Variants in LCORL observed in about 807,000 individuals in gnomAD.
LCORL encodes the protein ligand-dependent nuclear receptor corepressor-like protein.
A neutral mutation model predicts 141.8 loss-of-function variants in LCORL; 41 were observed. The ratio of observed to expected loss-of-function variants is 0.29; its 90% confidence interval spans 0.23 to 0.38. The LOEUF is 0.38. LCORL is among the 10% of genes least tolerant of loss of function. LCORL has a pLI of 1.00. For synonymous variants in LCORL, 618 were observed against 694.1 expected (o/e 0.89, Z 1.72); for missense variants, 1,759 against 2,035.0 (o/e 0.86, Z 2.61).
intron 2 of LCORL, among the ~76,000 whole-genome samples, chr4:17,964,535 C>T (rs954282086): frequency 2.6e-5 from 4 of 152,024 alleles, no homozygotes; most frequent in African/African-American, 9.7e-5. Flanking sequence ...GAAAACTGGT[C>T]ACCTTCTGTA....
At chr4:18,000,021 A>G (rs967112007) in intron 1 of LCORL, among the ~76,000 whole-genome samples, 4 of 152,210 alleles carry the variant, frequency 2.6e-5, no homozygotes, top group Admixed American at 2.0e-4. Flanking sequence ...CTTTTAGCAC[A>G]ATTTGACAAT....
intron 6 of LCORL, among the ~76,000 whole-genome samples, chr4:17,879,062 T>C (rs567169874): frequency 6.0e-5 from 9 of 151,228 alleles, no homozygotes; most frequent in African/African-American, 1.9e-4. Flanking sequence ...TACATGAAAA[T>C]TGCCTTTCAC....
chr4:17,925,765 G>A (rs1403120080), intron 4 of LCORL, among the ~76,000 whole-genome samples: 1 of 151,592 alleles, frequency 6.6e-6, no homozygotes, highest in Admixed American at 6.6e-5. Context: ...CAGATACTCG[G>A]GAGGCTGAGG....
chr4:17,873,046 T>C (rs1560273980), intron 7 of LCORL, among the ~76,000 whole-genome samples: 1 of 152,180 alleles, frequency 6.6e-6, no homozygotes, highest in Non-Finnish European at 1.5e-5. Flanking sequence ...TACTTGGTTA[T>C]ATTTATCTGT....
At chr4:17,876,031 T>C (rs868809698) in exon 7 of LCORL, 9 of 1,230,998 alleles carry the variant, frequency 7.3e-6, no homozygotes, top group Non-Finnish European at 8.1e-6. Flanking sequence ...AGAACAACAT[T>C]TGAATGGGAA....
chr4:17,931,372 G>T (rs1225414754), intron 4 of LCORL, among the ~76,000 whole-genome samples: 1 of 151,060 alleles, frequency 6.6e-6, no homozygotes, highest in Non-Finnish European at 1.5e-5. Context: ...TCTTTATTCG[G>T]ATTTACTTTG....
At chr4:17,867,953 G>A (rs1725881791) in intron 7 of LCORL, among the ~76,000 whole-genome samples, 1 of 152,082 alleles carries the variant, frequency 6.6e-6, no homozygotes, top group African/African-American at 2.4e-5. Context: ...AATTACAGGG[G>A]AAAAACTCAA....
intron 5 of LCORL, among the ~76,000 whole-genome samples, chr4:17,902,829 G>T (rs1050994411): frequency 6.6e-6 from 1 of 151,770 alleles, no homozygotes; most frequent in Non-Finnish European, 1.5e-5. Context: ...AGAAGTTATG[G>T]ATTCCAAAGT....
At chr4:17,916,572 G>A (rs965592803) in intron 4 of LCORL, among the ~76,000 whole-genome samples, 7 of 151,612 alleles carry the variant, frequency 4.6e-5, no homozygotes, top group Non-Finnish European at 1.0e-4. Context: ...CCAGAGCTGA[G>A]CAGATATTGG....
chr4:17,997,484 A>G (rs1490090493), intron 1 of LCORL, among the ~76,000 whole-genome samples: 1 of 152,196 alleles, frequency 6.6e-6, no homozygotes, highest in Non-Finnish European at 1.5e-5. Context: ...TACTTAACAT[A>G]ATGCTTTTTC....
intron 7 of LCORL, among the ~76,000 whole-genome samples, chr4:17,872,043 T>G (rs1198226220): frequency 6.6e-6 from 1 of 151,732 alleles, no homozygotes; most frequent in Non-Finnish European, 1.5e-5. Flanking sequence ...ATACTACCTA[T>G]TTTAGCTTTT....
intron 5 of LCORL, among the ~76,000 whole-genome samples, chr4:17,896,730 A>G (rs1729988018): frequency 6.6e-6 from 1 of 152,226 alleles, no homozygotes. Context: ...GTTGCAAACA[A>G]TATAATTATA....
chr4:17,872,281 T>C (rs1726439836), intron 7 of LCORL, among the ~76,000 whole-genome samples: 1 of 152,148 alleles, frequency 6.6e-6, no homozygotes, highest in Non-Finnish European at 1.5e-5. Flanking sequence ...CACTGGCAAC[T>C]ATAGTGTTCC....
intron 6 of LCORL, chr4:17,880,459 A>G (rs1727412891): frequency 1.1e-6 from 1 of 932,808 alleles, no homozygotes; most frequent in Admixed American, 6.2e-5. Context: ...TAAACCAAAC[A>G]TACTGCCTAT....
At chr4:18,003,118 A>G (rs1722238237) in intron 1 of LCORL, among the ~76,000 whole-genome samples, 1 of 152,178 alleles carries the variant, frequency 6.6e-6, no homozygotes, top group South Asian at 2.1e-4. Context: ...ATTTTCCAAG[A>G]ACAGAATATA....
intron 4 of LCORL, among the ~76,000 whole-genome samples, chr4:17,953,204 C>T (rs1364678328): frequency 6.6e-6 from 1 of 152,180 alleles, no homozygotes; most frequent in Non-Finnish European, 1.5e-5. Flanking sequence ...CTGCAATGAA[C>T]ATATGTATGC....
rs76297619 is a variant in LCORL, at chr4:17,900,741, C to T, written c.682+8353G>A. ...TGAATAAACTAATCATGATATTACA[C>T]AGAAACAAAGAGATGGAAAATGTGA... On this transcript the variant is annotated intron_variant, in intron 5 of 7. Transcript: ENST00000635767. Among the ~76,000 whole-genome samples the T allele has an allele frequency of 4.9e-3, 749 of 151,862 alleles. 4 individuals are homozygous for T. The highest frequency in any genetic ancestry group is 0.017 in the African/African-American group (703 of 41,424).
chr4:17,852,652 G>T (rs1296987599), intron 7 of LCORL, among the ~76,000 whole-genome samples: 1 of 152,100 alleles, frequency 6.6e-6, no homozygotes, highest in Non-Finnish European at 1.5e-5. Flanking sequence ...TGGTTACGTA[G>T]GCATCTAAGC....
At chr4:17,890,865 T>C (rs1275354513) in intron 5 of LCORL, among the ~76,000 whole-genome samples, 1 of 152,110 alleles carries the variant, frequency 6.6e-6, no homozygotes, top group Non-Finnish European at 1.5e-5. Flanking sequence ...TTTTCATTTA[T>C]AAACTGTTTT....
Sources: gnomAD v4.1 joint callset for allele counts (sites outside exome capture counted in the v4.1 genomes callset) on GRCh38, gnomAD v4.1.1 for gene constraint, MANE v1.5 for transcripts, NCBI Gene and HGNC (gene_info 2026-07-23, HGNC 2026-07-21) for gene names.